Variants in SLC5A12 observed in about 807,000 individuals in gnomAD.
The protein encoded by SLC5A12 is sodium-coupled monocarboxylate transporter 2.
A neutral mutation model predicts 72.7 loss-of-function variants in SLC5A12; 46 were observed. The observed-to-expected ratio is 0.63, with a 90% CI of 0.50 to 0.81. The LOEUF is 0.81. Among genes scored for constraint, SLC5A12 ranks in the 30% least tolerant of loss-of-function variants. The pLI, the probability that SLC5A12 is intolerant of heterozygous loss-of-function variation, is 0.00. For missense variants in SLC5A12, 683 were observed against 740.7 expected (o/e 0.92, Z 0.90); for synonymous variants, 275 against 264.4 (o/e 1.04, Z -0.39).
chr11:26,672,007 A>G (rs1475456910), intron 14 of SLC5A12, among the ~76,000 whole-genome samples: 1 of 152,166 alleles, frequency 6.6e-6, no homozygotes, highest in Non-Finnish European at 1.5e-5. Flanking sequence ...TTCAATTATC[A>G]AAACTGACTT....
chr11:26,713,714 T>C (rs867316881), intron 1 of SLC5A12, among the ~76,000 whole-genome samples: 1 of 152,194 alleles, frequency 6.6e-6, no homozygotes. Context: ...TTATTAATAC[T>C]GTATAAATTA....
At chr11:26,719,267 C>G (rs1330701254) in intron 1 of SLC5A12, among the ~76,000 whole-genome samples, 1 of 152,152 alleles carries the variant, frequency 6.6e-6, no homozygotes, top group African/African-American at 2.4e-5. Flanking sequence ...TTACTGTGCA[C>G]TAAGGTAATA....
intron 7 of SLC5A12, 123 bp from the exon 8 acceptor site, chr11:26,697,375 G>T: frequency 1.3e-6 from 1 of 778,684 alleles, no homozygotes; most frequent in Non-Finnish European, 2.0e-6. Flanking sequence ...TGGGAACATA[G>T]CTGTTTAGCA....
chr11:26,689,163 A>G (rs975328520), intron 9 of SLC5A12, among the ~76,000 whole-genome samples: 3 of 151,466 alleles, frequency 2.0e-5, no homozygotes, highest in Non-Finnish European at 4.4e-5. Context: ...AGGGAGGCCT[A>G]GGCAGGCGGA....
chr11:26,684,462 A>AT (rs1422517426), intron 10 of SLC5A12, among the ~76,000 whole-genome samples: 1 of 152,130 alleles, frequency 6.6e-6, no homozygotes, highest in African/African-American at 2.4e-5. Context: ...AGTAAAGGTA[A>AT]TTTTATCTTC....
intron 9 of SLC5A12, among the ~76,000 whole-genome samples, chr11:26,691,500 A>T (rs1435012224): frequency 3.3e-5 from 5 of 152,124 alleles, no homozygotes; most frequent in African/African-American, 1.2e-4. Flanking sequence ...AAATGAAAAA[A>T]ATTTAAAAAG....
chr11:26,683,682 A>G, intron 11 of SLC5A12, 75 bp downstream of exon 11: 2 of 1,198,860 alleles, frequency 1.7e-6, no homozygotes, highest in Admixed American at 2.0e-5. Context: ...TTTTCTAAAC[A>G]GGGCTGAGAG....
intron 2 of SLC5A12, among the ~76,000 whole-genome samples, chr11:26,712,168 G>C (rs1299694002): frequency 6.6e-6 from 1 of 151,980 alleles, no homozygotes; most frequent in Admixed American, 6.6e-5. Context: ...CCCAAAGCTG[G>C]GGGGGTGGGA....
chr11:26,680,293 G>GAA (rs1456300742), intron 12 of SLC5A12, among the ~76,000 whole-genome samples: 1 of 109,034 alleles, frequency 9.2e-6, no homozygotes, highest in Non-Finnish European at 2.0e-5. Context: ...TTATATATAT[G>GAA]TATATATATT....
chr11:26,677,715 T>C (rs16916106), intron 13 of SLC5A12, among the ~76,000 whole-genome samples: 2,107 of 152,300 alleles, frequency 0.014, 84 homozygotes, highest in Admixed American at 0.082. Context: ...AGTGAATGGC[T>C]AGTGACATCA....
rs1554994289 is a variant in SLC5A12 at position 26,703,446 on chromosome 11, A to ACACACC, written c.821+84_821+85insGGTGTG. ...TACATACACACACACACACACACAC[A>ACACACC]CCCCCCAAGAGGAAGTATTAATATA... On this transcript the variant is annotated intron_variant, in intron 6 of 14. Coordinates refer to ENST00000396005, the MANE Select transcript of SLC5A12 (RefSeq NM_178498.4). The ACACACC allele has an allele frequency of 8.3e-6, 9 of 1,087,690 alleles. No homozygotes were observed. In the East Asian group the frequency reaches 1.6e-4, roughly 20 times the overall value. The allele number at this position is 1,087,690 out of a possible 1,614,324, so 67.4% of individuals were successfully genotyped here.
chr11:26,694,598 T>C (rs753430245), intron 8 of SLC5A12, among the ~76,000 whole-genome samples: 5 of 152,054 alleles, frequency 3.3e-5, no homozygotes, highest in Non-Finnish European at 7.4e-5. Flanking sequence ...CTAAAAACAA[T>C]ATTAGTAAAA....
Position 26,669,201 on chromosome 11 carries a change from T to TTCTTTCTTTC in SLC5A12, c.*1891_*1900dup, listed in dbSNP as rs1267733083. ...TTTCTTTCTTCTTTTCTTTCTTTCT[T>TTCTTTCTTTC]TCTTTCTTTCTTTCTTTCTCTCTCT... On this transcript the variant is annotated 3_prime_UTR_variant, in exon 15 of 15. Transcript: ENST00000396005. 1 of 137,690 alleles carries TTCTTTCTTTC rather than the reference T, an allele frequency of 7.3e-6. No individual in the cohort carries two copies. The highest frequency in any genetic ancestry group is 7.3e-5 in the Admixed American group (1 of 13,772). The allele number at this position is 137,690 out of a possible 1,614,324, so 8.5% of individuals were successfully genotyped here. A position where few individuals can be genotyped will look rare whatever the true frequency, so the allele number is the denominator to read the frequency against.
At chr11:26,676,203 T>G (rs1004448745) in intron 13 of SLC5A12, among the ~76,000 whole-genome samples, 3 of 152,162 alleles carry the variant, frequency 2.0e-5, no homozygotes, top group African/African-American at 7.2e-5. Flanking sequence ...AATTATCTAA[T>G]ACAAAGATTA....
Position 26,681,856 on chromosome 11 carries a change from G to A in SLC5A12, c.1309-635C>T, listed in dbSNP as rs540770554. Among the ~76,000 whole-genome samples, 3 of 152,140 alleles carry A rather than the reference G, an allele frequency of 2.0e-5. No homozygotes were observed. In the South Asian group the frequency reaches 6.2e-4, roughly 32 times the overall value. On this transcript the variant is annotated intron_variant, in intron 11 of 14. Coordinates refer to ENST00000396005, the MANE Select transcript of SLC5A12 (RefSeq NM_178498.4). ...AATCTGATGTTTCTGGTCACTGCTAGGAAACTGAGCCTTCTGAGTCAGAGA... is the reference window on the plus strand; with the variant it reads ...AATCTGATGTTTCTGGTCACTGCTAAGAAACTGAGCCTTCTGAGTCAGAGA...
In SLC5A12 at chr11:26,681,076, C is replaced by T. The variant is rs202202394; in HGVS notation, c.1454G>A (p.Gly485Glu). Residue 485 changes from glycine to glutamate, a missense_variant, in exon 12 of 15, where the codon GGG becomes GAG. Coordinates refer to ENST00000396005, the MANE Select transcript of SLC5A12 (RefSeq NM_178498.4). The stretch of plus-strand genomic sequence containing the variant: ...ATACCTGCTGGATAGTACTGGAGGC[C>T]CTGTTGCTGTCACATTTGATTTGAT... ...QCIKSNVTAT[G>E]PPVLSSRPGI... The T allele has an allele frequency of 7.2e-5, 116 of 1,607,224 alleles. No individual in the cohort carries two copies. In the African/African-American group the frequency reaches 1.3e-3, roughly 18 times the overall value.
At chr11:26,702,156 A>G (rs1198920762) in intron 6 of SLC5A12, among the ~76,000 whole-genome samples, 2 of 152,324 alleles carry the variant, frequency 1.3e-5, no homozygotes, top group African/African-American at 4.8e-5. Context: ...TGCATTTTCA[A>G]TGACACAGCT....
At chr11:26,683,872 C>A (rs778241414) in intron 10 of SLC5A12, 29 bp from the exon 11 acceptor site, 1 of 1,555,540 alleles carries the variant, frequency 6.4e-7, no homozygotes. Flanking sequence ...CCAGATGAAT[C>A]CCCTACTCAA....
At chr11:26,691,019 A>G (rs1301932627) in intron 9 of SLC5A12, among the ~76,000 whole-genome samples, 1 of 150,240 alleles carries the variant, frequency 6.7e-6, no homozygotes, top group Non-Finnish European at 1.5e-5. Flanking sequence ...GTTTAAAAAC[A>G]ATAAAGCTGG....
Sources: allele counts gnomAD v4.1 joint callset (sites outside exome capture counted in the v4.1 genomes callset), GRCh38; gene constraint gnomAD v4.1.1; transcripts MANE v1.5; gene names NCBI Gene and HGNC (gene_info 2026-07-23, HGNC 2026-07-21).